The following C1QTNF3 variants were observed in gnomAD, a reference collection of about 807,000 sequenced individuals.
The protein encoded by C1QTNF3 is complement C1q tumor necrosis factor-related protein 3.
C1QTNF3 carries 26 observed loss-of-function variants against 32.6 expected under a neutral mutation model. That is an observed-to-expected ratio of 0.80 (90% CI 0.58 to 1.11). C1QTNF3 has a LOEUF of 1.11. C1QTNF3 is among the 50% of genes least tolerant of loss of function. C1QTNF3 has a pLI of 0.00. For synonymous variants in C1QTNF3, 155 were observed against 146.0 expected, an observed-to-expected ratio of 1.06 and a Z score of -0.44; for missense variants, 362 against 398.2, an observed-to-expected ratio of 0.91 and a Z score of 0.77.
chr5:34,061,333 T>C, the C1QTNF3 span, among the ~76,000 whole-genome samples: 28 of 152,248 alleles, frequency 1.8e-4, no homozygotes, highest in African/African-American at 6.7e-4. Flanking sequence ...TCCAGGTGCA[T>C]GGTGCAAGCT....
intron 1 of C1QTNF3, among the ~76,000 whole-genome samples, chr5:34,042,476 G>A (rs1045555564): frequency 2.0e-5 from 3 of 152,154 alleles, no homozygotes; most frequent in Admixed American, 6.5e-5. Context: ...TACAGTGACC[G>A]ATCTGTCTGC....
chr5:34,122,278 G>A, the C1QTNF3 span, among the ~76,000 whole-genome samples: 1 of 152,152 alleles, frequency 6.6e-6, no homozygotes, highest in Non-Finnish European at 1.5e-5. Context: ...CAGGAGAAAA[G>A]CTGTAGAGAA....
At chr5:34,046,294 T>A (rs568517281), upstream of C1QTNF3, among the ~76,000 whole-genome samples, 1 of 152,214 alleles carries the variant, frequency 6.6e-6, no homozygotes, top group Non-Finnish European at 1.5e-5. Flanking sequence ...GAGTCATGAA[T>A]TGCTGTTTGC....
chr5:34,113,146 T>TAAAAAAAAAAAAA, the C1QTNF3 span, among the ~76,000 whole-genome samples: 1 of 63,842 alleles, frequency 1.6e-5, no homozygotes, highest in Non-Finnish European at 4.8e-5. Flanking sequence ...AAAGTACCTA[T>TAAAAAAAAAAAAA]AAAATATTTA....
At chr5:34,187,331 T>C in the C1QTNF3 span, among the ~76,000 whole-genome samples, 13 of 152,426 alleles carry the variant, frequency 8.5e-5, no homozygotes, top group Admixed American at 5.9e-4. Flanking sequence ...ACCAGTAGAG[T>C]GGGCTGCTGC....
chr5:34,062,689 T>C, the C1QTNF3 span, among the ~76,000 whole-genome samples: 1 of 152,244 alleles, frequency 6.6e-6, no homozygotes, highest in African/African-American at 2.4e-5. Flanking sequence ...CGTCCTGTCC[T>C]GAAGGGAGTT....
the C1QTNF3 span, among the ~76,000 whole-genome samples, chr5:34,236,075 T>C: frequency 2.6e-5 from 4 of 152,148 alleles, no homozygotes; most frequent in Non-Finnish European, 2.9e-5. Flanking sequence ...TACAGAAGAG[T>C]GCATGTTGGG....
the C1QTNF3 span, among the ~76,000 whole-genome samples, chr5:34,196,660 AT>A: frequency 2.8e-4 from 39 of 141,000 alleles, no homozygotes; most frequent in African/African-American, 9.1e-4. Context: ...TTAATTTTTA[AT>A]TTTTTTTTTT....
intron 1 of C1QTNF3, among the ~76,000 whole-genome samples, chr5:34,037,828 C>T (rs1416536884): frequency 2.0e-5 from 3 of 152,208 alleles, no homozygotes; most frequent in Non-Finnish European, 4.4e-5. Flanking sequence ...GCACACCCCA[C>T]CTTCTAATCC....
At chr5:34,101,737 C>T in the C1QTNF3 span, among the ~76,000 whole-genome samples, 1 of 152,148 alleles carries the variant, frequency 6.6e-6, no homozygotes, top group Admixed American at 6.5e-5. Flanking sequence ...GTAAAATTCC[C>T]ACCTTTGGTC....
chr5:34,116,672 G>A, the C1QTNF3 span, among the ~76,000 whole-genome samples: 1 of 151,266 alleles, frequency 6.6e-6, no homozygotes, highest in Non-Finnish European at 1.5e-5. Context: ...TCGGCTCACT[G>A]CAACCTCCGT....
the C1QTNF3 span, among the ~76,000 whole-genome samples, chr5:34,079,427 A>T: frequency 6.6e-6 from 1 of 151,558 alleles, no homozygotes; most frequent in South Asian, 2.1e-4. Context: ...ACCCATTCGC[A>T]TTCCTACCAA....
the C1QTNF3 span, among the ~76,000 whole-genome samples, chr5:34,069,019 C>T: frequency 7.4e-3 from 1,101 of 148,986 alleles, 6 homozygotes; most frequent in Admixed American, 0.012. Context: ...TGTACATCAA[C>T]AAACTCCATT....
the C1QTNF3 span, among the ~76,000 whole-genome samples, chr5:34,162,491 A>C: frequency 6.6e-6 from 1 of 152,174 alleles, no homozygotes; most frequent in Non-Finnish European, 1.5e-5. Context: ...TTCAAACCAT[A>C]GCAGGTATAT....
At chr5:34,042,073 G>A (rs1449408945) in intron 1 of C1QTNF3, among the ~76,000 whole-genome samples, 1 of 150,364 alleles carries the variant, frequency 6.7e-6, no homozygotes, top group African/African-American at 2.5e-5. Flanking sequence ...ATTACATTGA[G>A]TTTCACCAAT....
chr5:34,021,672 C>T (rs1754331958), intron 5 of C1QTNF3, among the ~76,000 whole-genome samples: 1 of 152,064 alleles, frequency 6.6e-6, no homozygotes, highest in African/African-American at 2.4e-5. Context: ...GAACAGAAAA[C>T]CAAACACCGC....
At chr5:34,176,192 G>C in the C1QTNF3 span, among the ~76,000 whole-genome samples, 7 of 145,658 alleles carry the variant, frequency 4.8e-5, no homozygotes, top group Non-Finnish European at 9.0e-5. Flanking sequence ...TCATAAGTGG[G>C]AATTGAACAA....
chr5:34,183,322 A>ATTT, the C1QTNF3 span, among the ~76,000 whole-genome samples: 888 of 126,322 alleles, frequency 7.0e-3, 3 homozygotes, highest in African/African-American at 0.014. Context: ...TAATTTTTTA[A>ATTT]TTTTCTTTTT....
At chr5:34,047,798 C>T (rs375396392), upstream of C1QTNF3, among the ~76,000 whole-genome samples, 17 of 152,262 alleles carry the variant, frequency 1.1e-4, no homozygotes, top group African/African-American at 3.9e-4. Context: ...TTTTCAGATG[C>T]TCTACAGAGA....
Sources: gnomAD v4.1 joint callset for allele counts (sites outside exome capture counted in the v4.1 genomes callset) on GRCh38, gnomAD v4.1.1 for gene constraint, MANE v1.5 for transcripts, NCBI Gene and HGNC (gene_info 2026-07-23, HGNC 2026-07-21) for gene names.